MUCL1: variants seen among roughly 807,000 people sequenced by gnomAD.
The protein encoded by MUCL1 is mucin like 1, also known as mucin-like protein 1.
In MUCL1, 11 loss-of-function variants were observed where a neutral mutation model predicts 9.2. That is an observed-to-expected ratio of 1.19 (90% CI 0.75 to 1.97). The LOEUF is 1.97. Ranked by LOEUF, MUCL1 falls within the 30% of genes most tolerant of loss-of-function variation. The probability of loss-of-function intolerance (pLI) is 0.00; values close to 1 mark genes in which losing one functional copy is unlikely to be tolerated. For missense variants in MUCL1, 144 were observed against 110.9 expected, an observed-to-expected ratio of 1.30 and a Z score of -1.34; for synonymous variants, 48 against 40.5, an observed-to-expected ratio of 1.19 and a Z score of -0.71.
At position 54,854,571 on chromosome 12, in the gene MUCL1, C is replaced by T; in HGVS notation, c.-12C>T. The stretch of plus-strand genomic sequence containing the variant: ...ATTTTTGTCTGTGCTCCCTGATCTT[C>T]AGGTCACCACCATGAAGTTCTTAGC... On this transcript the variant is annotated 5_prime_UTR_variant, in exon 1 of 4. Coordinates refer to ENST00000308796, the MANE Select transcript of MUCL1 (RefSeq NM_058173.3). 6.2e-7 allele frequency: 1 copy of T among 1,612,162 alleles called. No individual in the cohort carries two copies. The highest frequency in any genetic ancestry group is 8.5e-7 in the Non-Finnish European group (1 of 1,178,954).
At chr12:54,854,197 A>C (rs978020425), upstream of MUCL1, among the ~76,000 whole-genome samples, 2 of 152,250 alleles carry the variant, frequency 1.3e-5, no homozygotes, top group African/African-American at 4.8e-5. Context: ...TGCAGATTTC[A>C]GGAAGGCTGG....
upstream of MUCL1, among the ~76,000 whole-genome samples, chr12:54,854,100 T>G (rs1680153950): frequency 6.6e-6 from 1 of 152,194 alleles, no homozygotes. Context: ...TGGATCAGGC[T>G]GCTCTACCCT....
At chr12:54,831,295 A>T (rs1183121023) in intron 1 of MUCL1, among the ~76,000 whole-genome samples, 2 of 152,218 alleles carry the variant, frequency 1.3e-5, no homozygotes, top group African/African-American at 4.8e-5. Context: ...GCTTATATAA[A>T]TTAAATATTC....
chr12:54,831,853 G>T (rs959802593), intron 1 of MUCL1, among the ~76,000 whole-genome samples: 1 of 152,092 alleles, frequency 6.6e-6, no homozygotes, highest in African/African-American at 2.4e-5. Context: ...GCTACAGAAT[G>T]CTGCCATGTA....
chr12:54,841,974 T>A (rs1047253728), intron 1 of MUCL1, among the ~76,000 whole-genome samples: 2 of 152,148 alleles, frequency 1.3e-5, no homozygotes, highest in Non-Finnish European at 2.9e-5. Context: ...TTAGAGCAAT[T>A]TCTGTAATTT....
At chr12:54,854,930 C>T (rs1473209963) in intron 1 of MUCL1, among the ~76,000 whole-genome samples, 186 bp from the exon 2 acceptor site, 1 of 152,112 alleles carries the variant, frequency 6.6e-6, no homozygotes, top group African/African-American at 2.4e-5. Context: ...AAAATGACCA[C>T]ATATTAGGTT....
chr12:54,857,943 C>G (rs920042202), intron 3 of MUCL1, among the ~76,000 whole-genome samples: 1 of 152,138 alleles, frequency 6.6e-6, no homozygotes, highest in Non-Finnish European at 1.5e-5. Flanking sequence ...AAAACTCATA[C>G]GTATTGACTT....
At position 54,856,769 on chromosome 12, in the gene MUCL1, G is replaced by A. The variant is rs1868302522; in HGVS notation, c.101-1G>A. 2 of 1,609,700 alleles carry A rather than the reference G, an allele frequency of 1.2e-6. No individual in the cohort carries two copies. The highest frequency in any genetic ancestry group is 8.5e-7 in the Non-Finnish European group (1 of 1,177,878). On this transcript the variant is annotated splice_acceptor_variant, in intron 2 of 3. Coordinates refer to ENST00000308796, the MANE Select transcript of MUCL1 (RefSeq NM_058173.3). LOFTEE classifies it high-confidence loss of function. The stretch of plus-strand genomic sequence containing the variant: ...CCTAGAGCTTTTCCTTCTAATTTCA[G>A]CTGGTCCTGCTGATGATGAAGCCCC...
chr12:54,852,802 A>G (rs996026056), upstream of MUCL1, among the ~76,000 whole-genome samples: 3 of 152,202 alleles, frequency 2.0e-5, no homozygotes, highest in African/African-American at 7.2e-5. Flanking sequence ...CCTACGGGGT[A>G]TAATCAGATA....
intron 1 of MUCL1, among the ~76,000 whole-genome samples, chr12:54,843,680 T>G (rs1959225355): frequency 6.6e-6 from 1 of 152,196 alleles, no homozygotes; most frequent in Non-Finnish European, 1.5e-5. Context: ...TTGCTGCCTC[T>G]GAGCTTAGAA....
At chr12:54,854,675 T>C in intron 1 of MUCL1, 35 bp downstream of exon 1, 1 of 1,574,244 alleles carries the variant, frequency 6.4e-7, no homozygotes, top group Non-Finnish European at 8.7e-7. Flanking sequence ...ATAAGTTTTG[T>C]GGGAATATAC....
chr12:54,840,389 A>C (rs1000755911), intron 1 of MUCL1, among the ~76,000 whole-genome samples: 2 of 152,232 alleles, frequency 1.3e-5, no homozygotes, highest in Non-Finnish European at 2.9e-5. Flanking sequence ...GATATGAATA[A>C]GTTTCCTTCC....
intron 1 of MUCL1, among the ~76,000 whole-genome samples, chr12:54,832,485 G>C (rs951730110): frequency 2.0e-5 from 3 of 151,900 alleles, no homozygotes; most frequent in East Asian, 3.9e-4. Flanking sequence ...AAGAGCTAAG[G>C]GTTTTGTTTA....
chr12:54,855,969 C>T (rs1165860536), intron 2 of MUCL1, among the ~76,000 whole-genome samples: 1 of 152,212 alleles, frequency 6.6e-6, no homozygotes, highest in Non-Finnish European at 1.5e-5. Flanking sequence ...GGTGGAGCTA[C>T]TTATTTGCTG....
upstream of MUCL1, among the ~76,000 whole-genome samples, chr12:54,850,706 C>T (rs1959325844): frequency 6.6e-6 from 1 of 152,176 alleles, no homozygotes; most frequent in Non-Finnish European, 1.5e-5. Context: ...AATGGTATTT[C>T]TAGTTCTAGA....
In MUCL1 at chr12:54,854,525, C is replaced by A. The variant is rs186285573; in HGVS notation, c.-58C>A. 1.3e-5 allele frequency: 19 copies of A among 1,427,476 alleles called. No individual in the cohort carries two copies. The South Asian group carries it at 2.1e-4, about 16-fold the overall frequency. 88.4% of individuals were successfully genotyped at this position (1,427,476 alleles called of 1,614,324 possible). ...GTGGAATCCTGAAGTCAGCGCCTTG[C>A]CTTCTCTTAGGCTTTGAAGCATTTT... On this transcript the variant is annotated 5_prime_UTR_variant, in exon 1 of 4. Transcript: ENST00000308796.
upstream of MUCL1, among the ~76,000 whole-genome samples, chr12:54,838,689 A>C (rs1049139904): frequency 6.6e-6 from 1 of 151,952 alleles, no homozygotes; most frequent in Non-Finnish European, 1.5e-5. Context: ...GAGTTCCAAA[A>C]TTCTTCTTGG....
Position 54,858,249 on chromosome 12 carries a change from A to T in MUCL1, c.*7A>T. On this transcript the variant is annotated 3_prime_UTR_variant, in exon 4 of 4. Transcript: ENST00000308796. The stretch of plus-strand genomic sequence containing the variant: ...TGGTAGAGTGTGTCCCTGAGATGGA[A>T]TCAGCTTGAGTCTTCTGCAATTGGT... 6.2e-7 allele frequency: 1 copy of T among 1,613,492 alleles called. No individual in the cohort carries two copies. The highest frequency in any genetic ancestry group is 8.5e-7 in the Non-Finnish European group (1 of 1,179,582).
intron 1 of MUCL1, among the ~76,000 whole-genome samples, chr12:54,833,919 T>C (rs1565773568): frequency 6.6e-6 from 1 of 152,050 alleles, no homozygotes; most frequent in Non-Finnish European, 1.5e-5. Flanking sequence ...CATGTATACA[T>C]ATGTAACAAA....
Sources: gnomAD v4.1 joint callset for allele counts (sites outside exome capture counted in the v4.1 genomes callset) on GRCh38, gnomAD v4.1.1 for gene constraint, MANE v1.5 for transcripts, NCBI Gene and HGNC (gene_info 2026-07-23, HGNC 2026-07-21) for gene names.